The following PTPRT variants were observed in gnomAD, a reference collection of about 807,000 sequenced individuals.
The protein encoded by PTPRT is protein tyrosine phosphatase receptor type T.
PTPRT carries 56 observed loss-of-function variants against 176.8 expected under a neutral mutation model. That is an observed-to-expected ratio of 0.32 (90% CI 0.26 to 0.40). PTPRT has a LOEUF of 0.40. PTPRT is among the 10% of genes least tolerant of loss of function. PTPRT has a pLI of 1.00. For missense variants in PTPRT, 1,540 were observed against 1,908.2 expected, an observed-to-expected ratio of 0.81 and a Z score of 3.60; for synonymous variants, 783 against 739.0, an observed-to-expected ratio of 1.06 and a Z score of -0.96.
At chr20:42,549,917 T>A (rs1392415145) in intron 7 of PTPRT, among the ~76,000 whole-genome samples, 2 of 152,178 alleles carry the variant, frequency 1.3e-5, no homozygotes, top group East Asian at 3.8e-4. Context: ...ATTAATGGAA[T>A]AAATACTTCA....
intron 16 of PTPRT, among the ~76,000 whole-genome samples, chr20:42,180,653 A>C (rs1231716657): frequency 6.6e-6 from 1 of 152,218 alleles, no homozygotes; most frequent in African/African-American, 2.4e-5. Flanking sequence ...GGTGCTCAAC[A>C]AACCTTGTTG....
intron 7 of PTPRT, among the ~76,000 whole-genome samples, chr20:42,601,106 C>T (rs118035656): frequency 6.6e-6 from 1 of 152,166 alleles, no homozygotes; most frequent in South Asian, 2.1e-4. Flanking sequence ...CCCACATCTA[C>T]CATGTTATGT....
chr20:42,798,180 C>A (rs1351068977), intron 2 of PTPRT, among the ~76,000 whole-genome samples: 1 of 152,226 alleles, frequency 6.6e-6, no homozygotes. Context: ...TTAAATATCA[C>A]TTTCCCTACA....
intron 1 of PTPRT, among the ~76,000 whole-genome samples, chr20:42,968,405 G>C (rs934863060): frequency 5.3e-5 from 8 of 152,192 alleles, no homozygotes; most frequent in Admixed American, 2.0e-4. Context: ...AGTGGAGAGA[G>C]AGATGGATAG....
intron 2 of PTPRT, among the ~76,000 whole-genome samples, chr20:42,872,523 A>C (rs2078862743): frequency 6.6e-6 from 1 of 152,212 alleles, no homozygotes; most frequent in Non-Finnish European, 1.5e-5. Context: ...CTCTGCAAAG[A>C]AGCAGAAGCA....
intron 13 of PTPRT, among the ~76,000 whole-genome samples, chr20:42,280,378 C>T (rs2057119427): frequency 6.6e-6 from 1 of 152,132 alleles, no homozygotes; most frequent in Non-Finnish European, 1.5e-5. Flanking sequence ...TGACATTCTG[C>T]ACTATCTAGT....
chr20:42,184,648 G>A (rs754196857), intron 16 of PTPRT, among the ~76,000 whole-genome samples: 58 of 135,560 alleles, frequency 4.3e-4, no homozygotes, highest in Non-Finnish European at 7.3e-4. Flanking sequence ...TCTCTCTCTC[G>A]ATAGAGTTTC....
rs1463721772 is a variant in PTPRT at position 42,074,879 on chromosome 20, A to G, written c.*6000T>C. 2 of 398,502 alleles carry G rather than the reference A, an allele frequency of 5.0e-6. No homozygotes were observed. The highest frequency in any genetic ancestry group is 4.4e-5 in the Admixed American group (1 of 22,716). The allele number at this position is 398,502 out of a possible 1,614,324, so 24.7% of individuals were successfully genotyped here. On this transcript the variant is annotated 3_prime_UTR_variant, in exon 31 of 31. Transcript: ENST00000373187. ...TGCAAAAGCCCATCCCTGGTTACTA[A>G]AAAACTAGAAGAGTCTGCTCATGTG...
At chr20:42,146,503 A>G (rs1455944352) in intron 17 of PTPRT, among the ~76,000 whole-genome samples, 1 of 152,212 alleles carries the variant, frequency 6.6e-6, no homozygotes, top group Non-Finnish European at 1.5e-5. Flanking sequence ...TACAACTCCC[A>G]AAGCCAAGGT....
At chr20:42,895,080 T>A (rs992249806) in intron 1 of PTPRT, among the ~76,000 whole-genome samples, 1 of 152,230 alleles carries the variant, frequency 6.6e-6, no homozygotes, top group East Asian at 1.9e-4. Flanking sequence ...GTTGTTAAAC[T>A]TTTTCTATAA....
intron 9 of PTPRT, among the ~76,000 whole-genome samples, chr20:42,389,044 C>CA (rs58208648): frequency 3.6e-3 from 536 of 150,526 alleles, no homozygotes; most frequent in African/African-American, 0.013. Flanking sequence ...CCAAACACTG[C>CA]ATGTTCTCAC....
chr20:42,090,790 G>C (rs1378025723), intron 27 of PTPRT, among the ~76,000 whole-genome samples: 1 of 152,202 alleles, frequency 6.6e-6, no homozygotes, highest in Non-Finnish European at 1.5e-5. Flanking sequence ...CGAGGACGTA[G>C]CTGACCTAAA....
intron 7 of PTPRT, among the ~76,000 whole-genome samples, chr20:42,645,177 G>A (rs2074861294): frequency 6.6e-6 from 1 of 152,154 alleles, no homozygotes. Flanking sequence ...GACAAAGGCT[G>A]ACAAAACCCT....
intron 6 of PTPRT, among the ~76,000 whole-genome samples, chr20:42,710,979 C>A (rs2076136085): frequency 6.6e-6 from 1 of 152,228 alleles, no homozygotes; most frequent in Admixed American, 6.5e-5. Context: ...GCCTGCCCTG[C>A]TGGGTTCCAG....
chr20:42,326,494 G>A (rs1420618533), intron 11 of PTPRT, among the ~76,000 whole-genome samples: 1 of 152,166 alleles, frequency 6.6e-6, no homozygotes, highest in Non-Finnish European at 1.5e-5. Flanking sequence ...AAGTAGTTTT[G>A]TAGAAGATGG....
intron 9 of PTPRT, among the ~76,000 whole-genome samples, chr20:42,359,431 C>G (rs1391874776): frequency 6.6e-6 from 1 of 152,180 alleles, no homozygotes; most frequent in African/African-American, 2.4e-5. Flanking sequence ...CACATGGCCC[C>G]AGACCTGAGC....
In PTPRT at chr20:42,973,279, C is replaced by T. The variant is rs188891688; in HGVS notation, c.89-87347G>A. 7.9e-5 allele frequency among the ~76,000 whole-genome samples: 12 copies of T among 152,120 alleles called. No individual in the cohort carries two copies. The East Asian group carries it at 1.6e-3, about 20-fold the overall frequency. On this transcript the variant is annotated intron_variant, in intron 1 of 30. Coordinates refer to ENST00000373187, the MANE Select transcript of PTPRT (RefSeq NM_007050.6). ...TCTGGGAAAGACTGAGGAAGTAGTA[C>T]GTTTTGGGGAGGAAAAAAAACCTTG...
chr20:42,822,520 G>T (rs933608132), intron 2 of PTPRT, among the ~76,000 whole-genome samples: 4 of 152,142 alleles, frequency 2.6e-5, no homozygotes, highest in Non-Finnish European at 4.4e-5. Flanking sequence ...AATGCCAAAA[G>T]CAATTGCAAC....
chr20:42,666,095 A>AAAAAT (rs1485727027), intron 7 of PTPRT, among the ~76,000 whole-genome samples: 1 of 152,224 alleles, frequency 6.6e-6, no homozygotes, highest in Non-Finnish European at 1.5e-5. Flanking sequence ...AGTATAATAA[A>AAAAAT]AAAATAAAAA....
Sources: gnomAD v4.1 joint callset for allele counts (sites outside exome capture counted in the v4.1 genomes callset) on GRCh38, gnomAD v4.1.1 for gene constraint, MANE v1.5 for transcripts, NCBI Gene and HGNC (gene_info 2026-07-23, HGNC 2026-07-21) for gene names.